Variants in RASAL2 observed in about 807,000 individuals in gnomAD.
The protein encoded by RASAL2 is ras GTPase-activating protein nGAP.
A neutral mutation model predicts 128.9 loss-of-function variants in RASAL2; 58 were observed. The ratio of observed to expected loss-of-function variants is 0.45; its 90% confidence interval spans 0.36 to 0.56. The LOEUF (loss-of-function observed/expected upper bound fraction) is 0.56, where lower values mean the gene tolerates loss of function less well. Ranked by LOEUF, RASAL2 falls within the 20% of genes least tolerant of loss-of-function variation. The pLI, the probability that RASAL2 is intolerant of heterozygous loss-of-function variation, is 0.00. For synonymous variants in RASAL2, 561 were observed against 580.8 expected, an observed-to-expected ratio of 0.97 and a Z score of 0.49; for missense variants, 1,360 against 1,601.6, an observed-to-expected ratio of 0.85 and a Z score of 2.57.
chr1:178,155,446 G>T (rs1331443843), intron 1 of RASAL2, among the ~76,000 whole-genome samples: 1 of 140,036 alleles, frequency 7.1e-6, no homozygotes, highest in Non-Finnish European at 1.5e-5. Context: ...AGCTCACTCA[G>T]TACATTATAA....
chr1:178,387,460 G>A (rs924914012), intron 3 of RASAL2, among the ~76,000 whole-genome samples: 1 of 151,848 alleles, frequency 6.6e-6, no homozygotes, highest in Admixed American at 6.6e-5. Context: ...TGCCATGTTG[G>A]TGTGCTGCAC....
At chr1:178,211,781 TCCATTTTGTCC>T (rs1347945620) in intron 1 of RASAL2, among the ~76,000 whole-genome samples, 1 of 152,222 alleles carries the variant, frequency 6.6e-6, no homozygotes, top group Non-Finnish European at 1.5e-5. Flanking sequence ...GACTATGGTT[TCCATTTTGTCC>T]CCATTGAATT....
At chr1:178,137,643 T>C (rs1457703183) in intron 1 of RASAL2, among the ~76,000 whole-genome samples, 1 of 152,202 alleles carries the variant, frequency 6.6e-6, no homozygotes, top group Non-Finnish European at 1.5e-5. Context: ...CTGTTAACTT[T>C]TAAATGACTT....
chr1:178,292,583 A>G (rs1667326309), intron 2 of RASAL2, among the ~76,000 whole-genome samples: 1 of 152,216 alleles, frequency 6.6e-6, no homozygotes, highest in Non-Finnish European at 1.5e-5. Flanking sequence ...TATGAAATAT[A>G]CTTTCTTGCC....
intron 4 of RASAL2, among the ~76,000 whole-genome samples, chr1:178,414,713 C>T (rs1674640072): frequency 6.6e-6 from 1 of 152,128 alleles, no homozygotes; most frequent in African/African-American, 2.4e-5. Flanking sequence ...TCATGGAATT[C>T]ACCAGAGGAA....
intron 3 of RASAL2, among the ~76,000 whole-genome samples, chr1:178,386,650 G>A (rs1672590480): frequency 6.6e-6 from 1 of 152,188 alleles, no homozygotes; most frequent in South Asian, 2.1e-4. Context: ...GTTTAGAGAT[G>A]AGAAAGTGAG....
chr1:178,181,562 G>A (rs1358949506), intron 1 of RASAL2, among the ~76,000 whole-genome samples: 1 of 151,834 alleles, frequency 6.6e-6, no homozygotes, highest in Non-Finnish European at 1.5e-5. Context: ...TTTCACCGTC[G>A]TTGATTTAGA....
chr1:178,193,976 T>C (rs1381197476), intron 1 of RASAL2, among the ~76,000 whole-genome samples: 2 of 152,202 alleles, frequency 1.3e-5, no homozygotes, highest in South Asian at 2.1e-4. Flanking sequence ...CTGTGATGTA[T>C]GGTCAAACTG....
At chr1:178,241,551 G>T (rs1158603751) in intron 1 of RASAL2, among the ~76,000 whole-genome samples, 1 of 152,170 alleles carries the variant, frequency 6.6e-6, no homozygotes, top group Non-Finnish European at 1.5e-5. Flanking sequence ...ATCCTCCACT[G>T]ATCTGATATC....
At chr1:178,472,047 C>T (rs1648321142) in intron 17 of RASAL2, among the ~76,000 whole-genome samples, 1 of 152,212 alleles carries the variant, frequency 6.6e-6, no homozygotes, top group Middle Eastern at 3.4e-3. Flanking sequence ...CTGTTTCCTG[C>T]GTTGTTTTCT....
chr1:178,473,009 T>C, intron 17 of RASAL2, 66 bp from the exon 18 acceptor site: 1 of 1,560,512 alleles, frequency 6.4e-7, no homozygotes, highest in Non-Finnish European at 8.8e-7. Flanking sequence ...GGACTAGTCA[T>C]TCAGTAAAGA....
At chr1:178,455,425 TA>T (rs1253367149) in intron 12 of RASAL2, among the ~76,000 whole-genome samples, 1 of 152,214 alleles carries the variant, frequency 6.6e-6, no homozygotes, top group East Asian at 1.9e-4. Context: ...TTTTCTATGA[TA>T]ATGATCTACT....
At chr1:178,110,081 A>T (rs778481603) in intron 1 of RASAL2, among the ~76,000 whole-genome samples, 1 of 152,186 alleles carries the variant, frequency 6.6e-6, no homozygotes, top group Non-Finnish European at 1.5e-5. Context: ...ACACATCTTT[A>T]AAGTGTAATT....
At chr1:178,261,417 CA>C (rs761430757) in intron 1 of RASAL2, among the ~76,000 whole-genome samples, 5 of 152,076 alleles carry the variant, frequency 3.3e-5, no homozygotes, top group Non-Finnish European at 7.3e-5. Flanking sequence ...TGACTTTTAA[CA>C]ATAATATAAT....
intron 1 of RASAL2, among the ~76,000 whole-genome samples, chr1:178,178,618 C>T (rs762436933): frequency 2.0e-5 from 3 of 152,254 alleles, no homozygotes; most frequent in Non-Finnish European, 2.9e-5. Context: ...ATTTCTCCTT[C>T]GCAGTGCTTT....
chr1:178,224,362 A>G (rs1663717197), intron 1 of RASAL2, among the ~76,000 whole-genome samples: 1 of 151,894 alleles, frequency 6.6e-6, no homozygotes, highest in Non-Finnish European at 1.5e-5. Context: ...TTCTAGACGT[A>G]TCTTTGTCTC....
chr1:178,261,093 A>G (rs1665672442), intron 1 of RASAL2, among the ~76,000 whole-genome samples: 1 of 152,184 alleles, frequency 6.6e-6, no homozygotes, highest in South Asian at 2.1e-4. Flanking sequence ...CATCATTATT[A>G]AACAGCTCTT....
intron 5 of RASAL2, among the ~76,000 whole-genome samples, chr1:178,431,139 T>C (rs1378319647): frequency 6.6e-6 from 1 of 152,034 alleles, no homozygotes; most frequent in Non-Finnish European, 1.5e-5. Context: ...TTTCTTATGA[T>C]CTTGGAATTT....
chr1:178,327,909 G>C (rs1207620552), intron 3 of RASAL2, among the ~76,000 whole-genome samples: 2 of 152,124 alleles, frequency 1.3e-5, no homozygotes, highest in African/African-American at 4.8e-5. Context: ...TGTGAAGACA[G>C]AGACAATGAT....
Sources: gnomAD v4.1 joint callset for allele counts (sites outside exome capture counted in the v4.1 genomes callset) on GRCh38, gnomAD v4.1.1 for gene constraint, MANE v1.5 for transcripts, NCBI Gene and HGNC (gene_info 2026-07-23, HGNC 2026-07-21) for gene names.